Variants in ELAVL2 observed in about 807,000 individuals in gnomAD.
The protein encoded by ELAVL2 is ELAV like RNA binding protein 2, also known as ELAV-like protein 2.
In ELAVL2, 4 loss-of-function variants were observed where a neutral mutation model predicts 34.6. The observed-to-expected ratio is 0.12, with a 90% CI of 0.06 to 0.26. The LOEUF (loss-of-function observed/expected upper bound fraction) is 0.26. ELAVL2 is among the 10% of genes least tolerant of loss of function. The pLI is 1.00. For missense variants in ELAVL2, 432 were observed against 442.8 expected (o/e 0.98, Z 0.22); for synonymous variants, 193 against 154.8 (o/e 1.25, Z -1.83).
intron 2 of ELAVL2, among the ~76,000 whole-genome samples, chr9:23,744,725 T>C (rs1426729207): frequency 2.6e-5 from 4 of 151,916 alleles, no homozygotes; most frequent in African/African-American, 9.7e-5. Context: ...TGGGCTTCTT[T>C]ATCCTTCTCG....
intron 6 of ELAVL2, 139 bp downstream of exon 6, chr9:23,693,309 A>G: frequency 9.5e-7 from 1 of 1,051,520 alleles, no homozygotes; most frequent in Non-Finnish European, 1.4e-6. Flanking sequence ...TGTGCTTCAA[A>G]GAGCAGCTTT....
intron 1 of ELAVL2, among the ~76,000 whole-genome samples, chr9:23,795,491 C>T (rs767676098): frequency 1.8e-4 from 27 of 152,002 alleles, no homozygotes; most frequent in Non-Finnish European, 2.6e-4. Context: ...TGCAGTGAGC[C>T]GAGATCACGC....
At chr9:23,763,803 T>C (rs74547432) in intron 1 of ELAVL2, among the ~76,000 whole-genome samples, 1 of 152,146 alleles carries the variant, frequency 6.6e-6, no homozygotes, top group Non-Finnish European at 1.5e-5. Flanking sequence ...AGAATAGCTT[T>C]TGAAATATCC....
At chr9:23,764,413 G>A (rs983909635) in intron 1 of ELAVL2, among the ~76,000 whole-genome samples, 2 of 152,154 alleles carry the variant, frequency 1.3e-5, no homozygotes, top group Non-Finnish European at 2.9e-5. Flanking sequence ...AACAGCTGCA[G>A]TAGGCTGTGT....
chr9:23,761,875 G>A (rs868083055), intron 2 of ELAVL2, 131 bp downstream of exon 2: 8 of 1,234,856 alleles, frequency 6.5e-6, no homozygotes, highest in South Asian at 1.7e-5. Flanking sequence ...TATTGCTGAT[G>A]TAATAACAGA....
chr9:23,701,264 AC>A, intron 5 of ELAVL2, 114 bp downstream of exon 5: 1 of 1,131,192 alleles, frequency 8.8e-7, no homozygotes, highest in South Asian at 1.5e-5. Context: ...TAGTAATAAA[AC>A]CAACAACACT....
At chr9:23,806,121 T>C (rs563242770) in intron 1 of ELAVL2, among the ~76,000 whole-genome samples, 1 of 152,282 alleles carries the variant, frequency 6.6e-6, no homozygotes, top group African/African-American at 2.4e-5. Flanking sequence ...TACCATCATA[T>C]AGTAGTGATA....
chr9:23,708,235 T>A (rs1177620978), intron 3 of ELAVL2, among the ~76,000 whole-genome samples: 1 of 152,186 alleles, frequency 6.6e-6, no homozygotes, highest in Non-Finnish European at 1.5e-5. Flanking sequence ...TCGGTAACAA[T>A]GTTTAATGTT....
intron 3 of ELAVL2, among the ~76,000 whole-genome samples, chr9:23,729,319 T>C (rs2045985530): frequency 6.6e-6 from 1 of 152,082 alleles, no homozygotes; most frequent in African/African-American, 2.4e-5. Context: ...CTAGGACAAA[T>C]TAGCAGCAAC....
upstream of ELAVL2, among the ~76,000 whole-genome samples, chr9:23,831,230 A>C (rs188373221): frequency 9.9e-5 from 15 of 152,242 alleles, no homozygotes; most frequent in Admixed American, 2.0e-4. Flanking sequence ...AAATAATAAA[A>C]CCGGGCTGAG....
chr9:23,740,260 T>A (rs938588845), intron 2 of ELAVL2, among the ~76,000 whole-genome samples: 1 of 152,146 alleles, frequency 6.6e-6, no homozygotes, highest in Non-Finnish European at 1.5e-5. Flanking sequence ...ACTAGGATCC[T>A]TACATTACAT....
intron 2 of ELAVL2, among the ~76,000 whole-genome samples, chr9:23,741,060 A>G (rs186435362): frequency 6.6e-6 from 1 of 152,334 alleles, no homozygotes; most frequent in East Asian, 1.9e-4. Context: ...CATGAAATAC[A>G]TAAAGTGCAT....
chr9:23,740,959 G>A (rs2049016527), intron 2 of ELAVL2, among the ~76,000 whole-genome samples: 1 of 152,136 alleles, frequency 6.6e-6, no homozygotes, highest in African/African-American at 2.4e-5. Flanking sequence ...AAAAAGATGG[G>A]ATCAATACCA....
Position 23,792,558 on chromosome 9 carries a change from G to A in ELAVL2, c.-15-30309C>T, listed in dbSNP as rs151107434. 1.7e-3 allele frequency among the ~76,000 whole-genome samples: 266 copies of A among 152,176 alleles called. 2 individuals carry two copies. Among genetic ancestry groups the A allele is most frequent in the African/African-American group, 6.2e-3 (259 of 41,532 alleles). ...CATGCTCATCTTTATATAATGGCTA[G>A]CTTCAACTTCCCAAAAACATCTCAT... On this transcript the variant is annotated intron_variant, in intron 1 of 6. Transcript: ENST00000397312.
chr9:23,720,297 C>T (rs375386711), intron 3 of ELAVL2, among the ~76,000 whole-genome samples: 38 of 152,040 alleles, frequency 2.5e-4, no homozygotes, highest in Admixed American at 3.3e-4. Context: ...CCTCAGCCTC[C>T]GGAGTAGCTG....
the ELAVL2 span, among the ~76,000 whole-genome samples, chr9:23,846,969 G>C: frequency 1.3e-5 from 2 of 152,088 alleles, no homozygotes; most frequent in African/African-American, 4.8e-5. Flanking sequence ...TGGTTCATAA[G>C]CTGTCTTGCC....
chr9:23,709,015 C>A (rs574624153), intron 3 of ELAVL2, among the ~76,000 whole-genome samples: 2 of 152,270 alleles, frequency 1.3e-5, no homozygotes, highest in South Asian at 4.1e-4. Context: ...AGAAACTACA[C>A]ATCATCATTA....
rs537881936 is a variant in ELAVL2, at chr9:23,740,882, C to T, written c.230-9757G>A. Among the ~76,000 whole-genome samples the T allele has an allele frequency of 7.9e-5, 12 of 152,326 alleles. No individual in the cohort carries two copies. The South Asian group carries it at 1.4e-3, about 18-fold the overall frequency. On this transcript the variant is annotated intron_variant, in intron 2 of 6. Coordinates refer to ENST00000397312, the MANE Select transcript of ELAVL2 (RefSeq NM_004432.5). Reference sequence around the variant, plus strand: ...TGCCAAAACGGTCTCCCACACAAGACATTTCTCTCCTCAGCAGATTGCATT... The same window carrying T: ...TGCCAAAACGGTCTCCCACACAAGATATTTCTCTCCTCAGCAGATTGCATT...
rs1328690786 is a variant in ELAVL2, at chr9:23,788,686, C to T, written c.-15-26437G>A. ...CCTCTCTTTGGCATGTCAGAACTGC[C>T]AGCATCACTACTCTTGTGCTTTGGG... is the stretch of plus-strand genomic sequence containing the variant. On this transcript the variant is annotated intron_variant, in intron 1 of 6. Coordinates refer to ENST00000397312, the MANE Select transcript of ELAVL2 (RefSeq NM_004432.5). Among the ~76,000 whole-genome samples the T allele has an allele frequency of 2.0e-5, 3 of 152,152 alleles. No individual in the cohort carries two copies. In the East Asian group the frequency reaches 5.8e-4, roughly 29 times the overall value.
Sources: gnomAD v4.1 joint callset for allele counts (sites outside exome capture counted in the v4.1 genomes callset) on GRCh38, gnomAD v4.1.1 for gene constraint, MANE v1.5 for transcripts, NCBI Gene and HGNC (gene_info 2026-07-23, HGNC 2026-07-21) for gene names.